PHF20L1: variants seen among roughly 807,000 people sequenced by gnomAD.
PHF20L1 encodes PHD finger protein 20-like protein 1.
In PHF20L1, 44 loss-of-function variants were observed where a neutral mutation model predicts 125.5. That is an observed-to-expected ratio of 0.35 (90% CI 0.28 to 0.45). The LOEUF (loss-of-function observed/expected upper bound fraction) is 0.45. Among genes scored for constraint, PHF20L1 ranks in the 20% least tolerant of loss-of-function variants. The pLI is 1.00. For missense variants in PHF20L1, 1,012 were observed against 1,217.2 expected, an observed-to-expected ratio of 0.83 and a Z score of 2.51; for synonymous variants, 380 against 403.1, an observed-to-expected ratio of 0.94 and a Z score of 0.69.
chr8:132,790,227 A>G (rs1226870722), intron 2 of PHF20L1, among the ~76,000 whole-genome samples: 1 of 152,210 alleles, frequency 6.6e-6, no homozygotes, highest in Non-Finnish European at 1.5e-5. Context: ...GTTGTAGTTC[A>G]GTATACAGAG....
At position 132,847,117 on chromosome 8, in the gene PHF20L1, G is replaced by C. The variant is rs575972581; in HGVS notation, c.*1194G>C. On this transcript the variant is annotated 3_prime_UTR_variant, in exon 21 of 21. Coordinates refer to ENST00000395386, the MANE Select transcript of PHF20L1 (RefSeq NM_016018.5). ...CTGCCAGTACTCATGTGAGTTGTAT[G>C]TGCCCCCAGTGCTACATACGCAGGT... is the stretch of plus-strand genomic sequence containing the variant. 1 of 152,562 alleles carries C rather than the reference G, an allele frequency of 6.6e-6. No individual in the cohort carries two copies. Among genetic ancestry groups the C allele is most frequent in the East Asian group, 1.9e-4 (1 of 5,198 alleles). 9.5% of individuals were successfully genotyped at this position (152,562 alleles called of 1,614,324 possible).
At chr8:132,820,042 A>G (rs780897335) in intron 12 of PHF20L1, among the ~76,000 whole-genome samples, 5 of 151,826 alleles carry the variant, frequency 3.3e-5, no homozygotes, top group South Asian at 2.1e-4. Context: ...TTGTTTTCCA[A>G]TAGAGATAAT....
At chr8:132,810,779 TGTG>T in intron 8 of PHF20L1, 1 of 364,506 alleles carries the variant, frequency 2.7e-6, no homozygotes, top group Non-Finnish European at 5.2e-6. Flanking sequence ...ACAGAATAAA[TGTG>T]TGTGTGCAAG....
At chr8:132,823,569 T>A (rs1274344787) in intron 12 of PHF20L1, among the ~76,000 whole-genome samples, 1 of 151,976 alleles carries the variant, frequency 6.6e-6, no homozygotes, top group Non-Finnish European at 1.5e-5. Context: ...GTCAAATTAT[T>A]ACCCTACCAC....
At chr8:132,828,796 A>C (rs1032682728) in intron 14 of PHF20L1, among the ~76,000 whole-genome samples, 2 of 152,056 alleles carry the variant, frequency 1.3e-5, no homozygotes, top group Non-Finnish European at 2.9e-5. Flanking sequence ...AAATATAAGG[A>C]TACTGCAGGC....
intron 12 of PHF20L1, among the ~76,000 whole-genome samples, chr8:132,820,665 A>C (rs969423368): frequency 1.3e-5 from 2 of 151,982 alleles, no homozygotes; most frequent in African/African-American, 2.4e-5. Context: ...TGATGAGATT[A>C]TAGTAGATGA....
chr8:132,817,054 G>A lies in PHF20L1; in HGVS notation c.1350G>A (p.Gln450=). The A allele has an allele frequency of 6.3e-7, 1 of 1,586,410 alleles. No individual in the cohort carries two copies. The highest frequency in any genetic ancestry group is 1.4e-5 in the African/African-American group (1 of 73,638). Residue 450 remains glutamine (Q), a synonymous_variant, in exon 11 of 21, where the codon CAG becomes CAA. Coordinates refer to ENST00000395386, the MANE Select transcript of PHF20L1 (RefSeq NM_016018.5). ...TATTCTCCATCAGTTCTCAAAATCA[G>A]CAAGAATCTTCAGTACCAGAGGGTA... is the stretch of plus-strand genomic sequence containing the variant. ...GKVFSISSQN[Q]QESSVPEVPD...
At chr8:132,836,788 G>T in intron 16 of PHF20L1, 67 bp downstream of exon 16, 1 of 1,164,712 alleles carries the variant, frequency 8.6e-7, no homozygotes, top group South Asian at 1.4e-5. Flanking sequence ...ATGCATCACG[G>T]TGTTTTATTT....
intron 15 of PHF20L1, among the ~76,000 whole-genome samples, chr8:132,835,300 A>G (rs4736610): frequency 0.46 from 70,178 of 151,856 alleles, 16,346 homozygotes; most frequent in African/African-American, 0.52. Context: ...GAATGTGGCT[A>G]GGGGATAGGA....
intron 12 of PHF20L1, among the ~76,000 whole-genome samples, chr8:132,819,964 T>G (rs770693435): frequency 6.6e-6 from 1 of 151,926 alleles, no homozygotes; most frequent in Non-Finnish European, 1.5e-5. Flanking sequence ...CTGTTGAGTT[T>G]AGCATTTGAT....
At chr8:132,798,095 G>T (rs992975055) in intron 4 of PHF20L1, among the ~76,000 whole-genome samples, 5 of 152,038 alleles carry the variant, frequency 3.3e-5, no homozygotes, top group Non-Finnish European at 7.4e-5. Context: ...CAAGTAGGAT[G>T]AGTTTGTGGG....
chr8:132,783,709 A>G (rs1446574629), intron 2 of PHF20L1, among the ~76,000 whole-genome samples: 1 of 152,294 alleles, frequency 6.6e-6, no homozygotes, highest in Non-Finnish European at 1.5e-5. Flanking sequence ...CAGTTTGTCT[A>G]TACATAGAAA....
At chr8:132,798,164 C>G (rs781321898) in intron 4 of PHF20L1, among the ~76,000 whole-genome samples, 2 of 151,944 alleles carry the variant, frequency 1.3e-5, no homozygotes, top group Non-Finnish European at 2.9e-5. Context: ...TTGCCTGCCA[C>G]TTAGGTGAAT....
chr8:132,845,855 C>T lies in PHF20L1; in HGVS notation c.2986C>T (p.Arg996Cys), dbSNP rs1198838235. The change falls in exon 21 of 21, where the codon CGC becomes TGC. Residue 996 changes from arginine (R) to cysteine (C), a missense_variant. By Grantham distance (180) the Arg-to-Cys change is radical. This residue lies in a region of PHF20L1 where 277 missense variants were observed against 283.6 expected (regional missense o/e 0.98). Coordinates refer to ENST00000395386, the MANE Select transcript of PHF20L1 (RefSeq NM_016018.5). ...TCTTGCAAGATTGCCCCAACTTAAA[C>T]GCCACATAAAACAGCTCCTAATTGA... The part of the protein sequence containing the change: ...DPLARLPQLK[R>C]HIKQLLIDMG... 6.8e-6 allele frequency: 11 copies of T among 1,611,350 alleles called. No homozygotes were observed. The highest frequency in any genetic ancestry group is 6.7e-5 in the East Asian group (3 of 44,874).
Position 132,836,583 on chromosome 8 carries a change from T to C in PHF20L1, c.1953T>C (p.Ser651=). 1 of 1,612,454 alleles carries C rather than the reference T, an allele frequency of 6.2e-7. No individual in the cohort carries two copies. The highest frequency in any genetic ancestry group is 8.5e-7 in the Non-Finnish European group (1 of 1,178,870). ...TCCTAGATGATTCTTCAACGGAGAG[T>C]TTGCTTCTGAGTGGGGATGAATACA... The part of the protein sequence containing the change: ...VDFLDDSSTE[S]LLLSGDEYNQ... Residue 651 remains serine, a synonymous_variant, in exon 16 of 21, where the codon AGT becomes AGC. Coordinates refer to ENST00000395386, the MANE Select transcript of PHF20L1 (RefSeq NM_016018.5).
At chr8:132,824,864 G>GTT (rs5895160) in intron 13 of PHF20L1, 6,217 of 267,490 alleles carry the variant, frequency 0.023, 1 homozygote, top group East Asian at 0.038. Flanking sequence ...AGTCCATCAG[G>GTT]TTTTTTTTTT....
Position 132,775,531 on chromosome 8 carries a change from C to G in PHF20L1, c.-152C>G. 2.7e-6 allele frequency: 1 copy of G among 372,888 alleles called. No individual in the cohort carries two copies. The highest frequency in any genetic ancestry group is 4.8e-6 in the Non-Finnish European group (1 of 209,372). 23.1% of individuals were successfully genotyped at this position (372,888 alleles called of 1,614,324 possible). On this transcript the variant is annotated 5_prime_UTR_variant, in exon 1 of 21. Coordinates refer to ENST00000395386, the MANE Select transcript of PHF20L1 (RefSeq NM_016018.5). ...CCCCAGCTCGCTCCGCTCCTGCTCC[C>G]TCCCCGGCCGCTGCCTGGGCGGAGG...
chr8:132,821,120 G>T (rs1264279904), intron 12 of PHF20L1, among the ~76,000 whole-genome samples: 4 of 151,826 alleles, frequency 2.6e-5, no homozygotes, highest in Admixed American at 2.6e-4. Flanking sequence ...GAGTTTTCGG[G>T]TAGCATTCGA....
chr8:132,775,719 T>A, intron 1 of PHF20L1, 74 bp downstream of exon 1: 1 of 301,786 alleles, frequency 3.3e-6, no homozygotes, highest in Non-Finnish European at 6.0e-6. Flanking sequence ...CCCATTCTGG[T>A]GTCTCTCTTT....
Sources: gnomAD v4.1 joint callset for allele counts (sites outside exome capture counted in the v4.1 genomes callset) on GRCh38, gnomAD v4.1.1 for gene constraint, gnomAD v4.1.1 regional missense constraint, MANE v1.5 for transcripts, NCBI Gene and HGNC (gene_info 2026-07-23, HGNC 2026-07-21) for gene names.